Variants in SLC5A8 observed in about 807,000 individuals in gnomAD.
SLC5A8 encodes the protein sodium-coupled monocarboxylate transporter 1.
A neutral mutation model predicts 71.9 loss-of-function variants in SLC5A8; 55 were observed. That is an observed-to-expected ratio of 0.77 (90% CI 0.62 to 0.96). SLC5A8 has a LOEUF of 0.96. SLC5A8 is among the 40% of genes least tolerant of loss of function. The probability of loss-of-function intolerance (pLI) is 0.00; values close to 1 mark genes in which losing one functional copy is unlikely to be tolerated. For missense variants in SLC5A8, 701 were observed against 745.3 expected (o/e 0.94, Z 0.69); for synonymous variants, 307 against 276.1 (o/e 1.11, Z -1.11).
chr12:101,188,150 A>C (rs2137152658), intron 6 of SLC5A8, among the ~76,000 whole-genome samples: 1 of 152,300 alleles, frequency 6.6e-6, no homozygotes, highest in South Asian at 2.1e-4. Context: ...CCAGTAATTC[A>C]ACCTCTCTGA....
chr12:101,205,483 G>A lies in SLC5A8; in HGVS notation c.352-918C>T, dbSNP rs191402689. On this transcript the variant is annotated intron_variant, in intron 1 of 14. Transcript: ENST00000536262. ...TTAGGATCATAGAATTTCAGAGCTG[G>A]GAGCTAAGATTTTCTTTAACTTGAA... is the stretch of plus-strand genomic sequence containing the variant. Among the ~76,000 whole-genome samples the A allele has an allele frequency of 3.5e-3, 538 of 152,200 alleles. 6 individuals are homozygous for A. The highest frequency in any genetic ancestry group is 9.1e-4 in the Non-Finnish European group (62 of 68,022).
chr12:101,190,171 T>C (rs1868833953), intron 6 of SLC5A8, among the ~76,000 whole-genome samples: 1 of 152,240 alleles, frequency 6.6e-6, no homozygotes, highest in South Asian at 2.1e-4. Context: ...TAATTTGAGG[T>C]TAATTTTCTT....
chr12:101,187,659 T>G, intron 6 of SLC5A8, 144 bp from the exon 7 acceptor site: 1 of 888,878 alleles, frequency 1.1e-6, no homozygotes, highest in East Asian at 2.8e-5. Flanking sequence ...ACTCTACTTA[T>G]TTTATTCTAG....
chr12:101,194,641 A>C (rs189181302), intron 4 of SLC5A8, among the ~76,000 whole-genome samples: 1 of 151,754 alleles, frequency 6.6e-6, no homozygotes, highest in Non-Finnish European at 1.5e-5. Flanking sequence ...ATTTTAAAAA[A>C]TTTTTTTTGT....
At chr12:101,157,518 G>C (rs762657743) in intron 14 of SLC5A8, 117 bp from the exon 15 acceptor site, 161 of 1,264,098 alleles carry the variant, frequency 1.3e-4, no homozygotes, top group Middle Eastern at 2.4e-4. Context: ...CTAATCTACT[G>C]AGGGAGAGAA....
intron 12 of SLC5A8, among the ~76,000 whole-genome samples, chr12:101,163,570 T>C (rs566519091): frequency 2.0e-5 from 3 of 152,238 alleles, no homozygotes; most frequent in Non-Finnish European, 4.4e-5. Context: ...TCCCAGCTAC[T>C]TGGGAGGCTG....
In SLC5A8 at chr12:101,157,483, A is replaced by G. The variant is rs1485987632; in HGVS notation, c.1711-82T>C. 2.7e-6 allele frequency: 4 copies of G among 1,463,434 alleles called. No individual in the cohort carries two copies. In the African/African-American group the frequency reaches 4.3e-5, roughly 16 times the overall value. 90.7% of individuals were successfully genotyped at this position (1,463,434 alleles called of 1,614,324 possible). ...GTAATTCTAAATAATTGTTTCTACT[A>G]TTTTTATTTCTCTGCATCAGCTTTC... On this transcript the variant is annotated intron_variant, in intron 14 of 14. Coordinates refer to ENST00000536262, the MANE Select transcript of SLC5A8 (RefSeq NM_145913.5).
intron 14 of SLC5A8, among the ~76,000 whole-genome samples, chr12:101,157,866 A>G (rs2051681186): frequency 6.6e-6 from 1 of 152,214 alleles, no homozygotes; most frequent in East Asian, 1.9e-4. Context: ...ATAGGTTATC[A>G]GAGGATAGAG....
At chr12:101,167,297 A>C (rs2051782636) in intron 11 of SLC5A8, among the ~76,000 whole-genome samples, 1 of 152,246 alleles carries the variant, frequency 6.6e-6, no homozygotes, top group Non-Finnish European at 1.5e-5. Context: ...ATTGAGGATA[A>C]TAAATAATAA....
Position 101,162,069 on chromosome 12 carries a change from A to G in SLC5A8, c.1535T>C (p.Leu512Pro), listed in dbSNP as rs1220427817. The G allele has an allele frequency of 1.2e-6, 2 of 1,612,864 alleles. No individual in the cohort carries two copies. Among genetic ancestry groups the G allele is most frequent in the Admixed American group, 3.3e-5 (2 of 60,018 alleles). Residue 512 changes from leucine to proline, a missense_variant, in exon 13 of 15, where the codon CTG (leucine) becomes CCG (proline). Transcript: ENST00000536262. ...FQIYNVQRTP[L>P]MDNWYSLSYL... ...TGATAAAGAATACCAGTTATCCATCAGTGGAGTCCTAAGAGAGCAAAAACA... is the reference window on the plus strand; with the variant it reads ...TGATAAAGAATACCAGTTATCCATCGGTGGAGTCCTAAGAGAGCAAAAACA...
chr12:101,158,594 CTCTCTATA>C (rs1379269397), intron 13 of SLC5A8, among the ~76,000 whole-genome samples: 57 of 21,262 alleles, frequency 2.7e-3, no homozygotes, highest in African/African-American at 3.4e-3. Flanking sequence ...CTCTCTCTCT[CTCTCTATA>C]TATATATATA....
Position 101,210,179 on chromosome 12 carries a change from T to TTTTAA in SLC5A8, c.-332_-331insTTAAA. The stretch of plus-strand genomic sequence containing the variant: ...CGGGGACACCTGAGCAGATGAGAAC[T>TTTTAA]GGAGCCTCCAGCTGCTTCCAGCGAA... On this transcript the variant is annotated 5_prime_UTR_variant, in exon 1 of 15. Transcript: ENST00000536262. 3.1e-6 allele frequency: 1 copy of TTTTAA among 322,194 alleles called. No individual in the cohort carries two copies. Among genetic ancestry groups the TTTTAA allele is most frequent in the Non-Finnish European group, 5.6e-6 (1 of 178,550 alleles). 20.0% of individuals were successfully genotyped at this position (322,194 alleles called of 1,614,324 possible).
Position 101,204,493 on chromosome 12 carries a change from T to A in SLC5A8, c.417+7A>T, listed in dbSNP as rs1869594009. ...ACAAAAGATAAAATAAATGGAGAGC[T>A]ACTTACTGTTTGAACAATGAAGAGG... On this transcript the variant is annotated splice_region_variant and intron_variant, in intron 2 of 14. Coordinates refer to ENST00000536262, the MANE Select transcript of SLC5A8 (RefSeq NM_145913.5). The A allele has an allele frequency of 6.3e-7, 1 of 1,591,394 alleles. No individual in the cohort carries two copies. The highest frequency in any genetic ancestry group is 2.3e-5 in the East Asian group (1 of 44,204).
At chr12:101,158,596 CTCTA>C (rs1166210931) in intron 13 of SLC5A8, among the ~76,000 whole-genome samples, 73 of 17,686 alleles carry the variant, frequency 4.1e-3, no homozygotes, top group Non-Finnish European at 5.2e-3. Context: ...CTCTCTCTCT[CTCTA>C]TATATATATA....
intron 2 of SLC5A8, among the ~76,000 whole-genome samples, chr12:101,203,971 C>T (rs1189679937): frequency 1.3e-5 from 2 of 152,276 alleles, no homozygotes; most frequent in Middle Eastern, 3.4e-3. Context: ...TTGTTTTACA[C>T]TCTAAGGACT....
chr12:101,157,477 TCTA>T, intron 14 of SLC5A8, 76 bp from the exon 15 acceptor site: 1 of 1,475,042 alleles, frequency 6.8e-7, no homozygotes, highest in South Asian at 1.3e-5. Context: ...AATAATTGTT[TCTA>T]CTATTTTTAT....
chr12:101,157,257 G>T lies in SLC5A8; in HGVS notation c.*22C>A. On this transcript the variant is annotated 3_prime_UTR_variant, in exon 15 of 15. Coordinates refer to ENST00000536262, the MANE Select transcript of SLC5A8 (RefSeq NM_145913.5). ...ATATAAAATTGAAACATCATTTAAG[G>T]ATATCTAGTATCAGAGCAGCTTCAC... The T allele has an allele frequency of 6.2e-7, 1 of 1,603,390 alleles. No homozygotes were observed. The highest frequency in any genetic ancestry group is 2.2e-5 in the East Asian group (1 of 44,740).
intron 7 of SLC5A8, among the ~76,000 whole-genome samples, chr12:101,184,520 C>T (rs573785674): frequency 2.0e-4 from 30 of 152,170 alleles, no homozygotes; most frequent in African/African-American, 7.0e-4. Context: ...CATAGAGTTG[C>T]TGTAAAAGTT....
chr12:101,209,386 G>T, intron 1 of SLC5A8, 112 bp downstream of exon 1: 1 of 756,624 alleles, frequency 1.3e-6, no homozygotes, highest in Non-Finnish European at 2.1e-6. Context: ...CGATGGACGG[G>T]GAGAGATTTC....
Sources: allele counts gnomAD v4.1 joint callset (sites outside exome capture counted in the v4.1 genomes callset), GRCh38; gene constraint gnomAD v4.1.1; transcripts MANE v1.5; gene names NCBI Gene and HGNC (gene_info 2026-07-23, HGNC 2026-07-21).